KCNT2: variants seen among roughly 807,000 people sequenced by gnomAD.
KCNT2 encodes the protein potassium sodium-activated channel subfamily T member 2.
In KCNT2, 67 loss-of-function variants were observed where a neutral mutation model predicts 153.8. The observed-to-expected ratio is 0.44, with a 90% CI of 0.36 to 0.53. The LOEUF is 0.53. Among genes scored for constraint, KCNT2 ranks in the 20% least tolerant of loss-of-function variants. The pLI is 0.00. For missense variants in KCNT2, 975 were observed against 1,354.8 expected (o/e 0.72, Z 4.40); for synonymous variants, 500 against 458.8 (o/e 1.09, Z -1.15).
chr1:196,577,202 C>T (rs913440340), intron 1 of KCNT2, among the ~76,000 whole-genome samples: 22 of 152,062 alleles, frequency 1.4e-4, no homozygotes, highest in African/African-American at 5.3e-4. Flanking sequence ...CTACCCCATC[C>T]TACTCCACTC....
At chr1:196,573,705 G>A (rs1661030266) in intron 1 of KCNT2, among the ~76,000 whole-genome samples, 1 of 151,844 alleles carries the variant, frequency 6.6e-6, no homozygotes, top group Non-Finnish European at 1.5e-5. Flanking sequence ...GGAAGGAAGG[G>A]AGCTGAATGA....
At chr1:196,333,094 GTTT>G (rs199829441) in intron 17 of KCNT2, among the ~76,000 whole-genome samples, 1 of 141,734 alleles carries the variant, frequency 7.1e-6, no homozygotes. Flanking sequence ...CCAGCTGCAA[GTTT>G]TTTTTTTTTT....
chr1:196,531,176 G>C (rs1181163801), intron 1 of KCNT2, among the ~76,000 whole-genome samples: 1 of 152,040 alleles, frequency 6.6e-6, no homozygotes. Flanking sequence ...GCCATCTACA[G>C]CTTTGGAGAC....
chr1:196,489,952 T>A lies in KCNT2; in HGVS notation c.176-15A>T, dbSNP rs758622029. 1.6e-6 allele frequency: 2 copies of A among 1,289,548 alleles called. No homozygotes were observed. Among genetic ancestry groups the A allele is most frequent in the Non-Finnish European group, 2.1e-6 (2 of 936,026 alleles). The allele number at this position is 1,289,548 out of a possible 1,614,324, so 79.9% of individuals were successfully genotyped here. A position where few individuals can be genotyped will look rare whatever the true frequency, so the allele number is the denominator to read the frequency against. The stretch of plus-strand genomic sequence containing the variant: ...TATCCTTAGACCTTTAAACAAATGA[T>A]AAAAGTTTGATTTTCATCTGAACTT... On this transcript the variant is annotated splice_polypyrimidine_tract_variant and intron_variant, in intron 2 of 27. Transcript: ENST00000294725.
chr1:196,294,275 G>A (rs1262543494), intron 22 of KCNT2, among the ~76,000 whole-genome samples: 3 of 152,006 alleles, frequency 2.0e-5, no homozygotes, highest in Non-Finnish European at 4.4e-5. Context: ...CAGCCATTAT[G>A]TTTTGTTTTT....
intron 26 of KCNT2, chr1:196,257,198 C>G: frequency 1.0e-6 from 1 of 972,820 alleles, no homozygotes; most frequent in Non-Finnish European, 1.2e-6. Flanking sequence ...ACATAAAGCA[C>G]CTAGCATAGT....
chr1:196,345,817 GGATA>G (rs1342891932), intron 14 of KCNT2, among the ~76,000 whole-genome samples: 3 of 152,164 alleles, frequency 2.0e-5, no homozygotes, highest in South Asian at 2.1e-4. Context: ...CAAGAAACAT[GGATA>G]GATAAACAAA....
chr1:196,316,139 CT>C, intron 20 of KCNT2, 113 bp from the exon 21 acceptor site: 2 of 795,478 alleles, frequency 2.5e-6, no homozygotes, highest in Non-Finnish European at 3.9e-6. Context: ...TTAGAGGTGG[CT>C]TTTACAGAGT....
chr1:196,255,610 T>G (rs1238918733), intron 26 of KCNT2, among the ~76,000 whole-genome samples: 2 of 151,838 alleles, frequency 1.3e-5, no homozygotes, highest in Non-Finnish European at 3.0e-5. Context: ...GCAGAGAAAT[T>G]AATGGTTCTG....
intron 18 of KCNT2, among the ~76,000 whole-genome samples, chr1:196,330,265 C>T (rs962623724): frequency 1.3e-5 from 2 of 151,616 alleles, no homozygotes; most frequent in African/African-American, 4.8e-5. Flanking sequence ...TAAGCACCAA[C>T]TCAGTTATTA....
chr1:196,367,453 T>C (rs1668138382), intron 14 of KCNT2, among the ~76,000 whole-genome samples: 1 of 152,174 alleles, frequency 6.6e-6, no homozygotes, highest in Non-Finnish European at 1.5e-5. Flanking sequence ...AATCTAATGA[T>C]TTTTAAAAAG....
intron 1 of KCNT2, among the ~76,000 whole-genome samples, chr1:196,514,546 A>G (rs1681896746): frequency 6.6e-6 from 1 of 152,194 alleles, no homozygotes. Context: ...CACAAAAATT[A>G]CAGTTAAAAT....
chr1:196,307,914 T>C (rs1661790643), intron 21 of KCNT2, among the ~76,000 whole-genome samples: 1 of 152,002 alleles, frequency 6.6e-6, no homozygotes, highest in South Asian at 2.1e-4. Flanking sequence ...ATATGGGAGT[T>C]TCAAAGTATT....
intron 1 of KCNT2, among the ~76,000 whole-genome samples, chr1:196,537,595 CA>C (rs1441432051): frequency 1.3e-5 from 2 of 152,150 alleles, no homozygotes; most frequent in African/African-American, 4.8e-5. Context: ...CTTCATCAAA[CA>C]GAAAAGGCTT....
At chr1:196,369,310 T>A (rs931056869) in intron 14 of KCNT2, among the ~76,000 whole-genome samples, 1 of 152,148 alleles carries the variant, frequency 6.6e-6, no homozygotes, top group Admixed American at 6.6e-5. Context: ...AGAATAAATT[T>A]TTTTTTATTT....
chr1:196,254,986 C>A (rs1474488313), intron 26 of KCNT2, among the ~76,000 whole-genome samples: 1 of 151,452 alleles, frequency 6.6e-6, no homozygotes, highest in African/African-American at 2.4e-5. Flanking sequence ...AAATTTATAA[C>A]AATACACGTC....
chr1:196,407,735 T>C (rs536139773), intron 12 of KCNT2, among the ~76,000 whole-genome samples: 2 of 151,644 alleles, frequency 1.3e-5, no homozygotes, highest in South Asian at 4.1e-4. Flanking sequence ...TCAGTGATTG[T>C]TTGCTTTCTT....
At chr1:196,326,982 G>T in intron 18 of KCNT2, 93 bp from the exon 19 acceptor site, 1 of 710,102 alleles carries the variant, frequency 1.4e-6, no homozygotes, top group Non-Finnish European at 2.3e-6. Flanking sequence ...AAAATTAATT[G>T]AACAATGTAA....
At chr1:196,281,591 C>T (rs1328594806) in intron 24 of KCNT2, among the ~76,000 whole-genome samples, 1 of 152,112 alleles carries the variant, frequency 6.6e-6, no homozygotes, top group Non-Finnish European at 1.5e-5. Flanking sequence ...TGCCCCTTTG[C>T]TTCTTGTAAA....
Sources: allele counts gnomAD v4.1 joint callset (sites outside exome capture counted in the v4.1 genomes callset), GRCh38; gene constraint gnomAD v4.1.1; transcripts MANE v1.5; gene names NCBI Gene and HGNC (gene_info 2026-07-23, HGNC 2026-07-21).